The following ZC4H2 variants were observed in gnomAD, a reference collection of about 807,000 sequenced individuals.
ZC4H2 encodes zinc finger C4H2 domain-containing protein.
For synonymous variants in ZC4H2, 84 were observed against 66.3 expected, an observed-to-expected ratio of 1.27 and a Z score of -1.30; for missense variants, 137 against 173.9, an observed-to-expected ratio of 0.79 and a Z score of 1.19.
At chrX:64,921,229 G>A (rs965771603) in intron 2 of ZC4H2, among the ~76,000 whole-genome samples, 1 of 111,975 alleles carries the variant, frequency 8.9e-6, no homozygotes, top group Non-Finnish European at 1.9e-5. Flanking sequence ...GACCTTACTG[G>A]TCAGCACTGC....
intron 1 of ZC4H2, among the ~76,000 whole-genome samples, chrX:64,951,752 C>T (rs1260195371): frequency 2.7e-5 from 3 of 110,536 alleles, no homozygotes; most frequent in Admixed American, 9.5e-5. Context: ...TTGTAGGTTG[C>T]CTGCTCACTC....
intron 1 of ZC4H2, among the ~76,000 whole-genome samples, chrX:64,943,696 T>A (rs1453093598): frequency 9.0e-6 from 1 of 111,510 alleles, no homozygotes; most frequent in Non-Finnish European, 1.9e-5. Flanking sequence ...TATTCATCCA[T>A]CCCTTTATTT....
At chrX:64,928,796 T>C (rs1929591059) in intron 1 of ZC4H2, among the ~76,000 whole-genome samples, 1 of 98,650 alleles carries the variant, frequency 1.0e-5, no homozygotes, top group Admixed American at 1.1e-4. Context: ...TTCTTTTTCT[T>C]CTCCTTCTTC....
At chrX:64,983,474 T>C (rs985155581) in intron 1 of ZC4H2, among the ~76,000 whole-genome samples, 1 of 111,544 alleles carries the variant, frequency 9.0e-6, no homozygotes, top group Non-Finnish European at 1.9e-5. Flanking sequence ...GCTTATCTAC[T>C]TGGGAATGAA....
intron 1 of ZC4H2, 125 bp downstream of exon 1, chrX:64,976,200 G>T: frequency 1.3e-6 from 1 of 764,104 alleles, no homozygotes; most frequent in Non-Finnish European, 2.0e-6. Flanking sequence ...CACCTCTCCG[G>T]CAAGTCTGTG....
At chrX:64,932,741 A>G (rs943722161) in intron 1 of ZC4H2, among the ~76,000 whole-genome samples, 5 of 111,482 alleles carry the variant, frequency 4.5e-5, no homozygotes, top group Non-Finnish European at 9.4e-5. Context: ...TGTTAATCTG[A>G]TAGGTTTTGC....
chrX:64,964,233 A>C (rs1301126770), intron 1 of ZC4H2, among the ~76,000 whole-genome samples: 1 of 111,446 alleles, frequency 9.0e-6, no homozygotes, highest in African/African-American at 3.3e-5. Context: ...AAATCAAATT[A>C]AATTAAATTG....
chrX:64,953,916 G>C (rs935323726), intron 1 of ZC4H2, among the ~76,000 whole-genome samples: 2 of 111,083 alleles, frequency 1.8e-5, no homozygotes, highest in South Asian at 7.6e-4. Flanking sequence ...TTGGAACCAA[G>C]CCAAATGTCC....
At chrX:64,928,632 C>CTTCTT (rs1929543668) in intron 1 of ZC4H2, among the ~76,000 whole-genome samples, 12 of 83,340 alleles carry the variant, frequency 1.4e-4, no homozygotes, top group African/African-American at 4.9e-4. Flanking sequence ...CCTGCTTTCT[C>CTTCTT]CTTCTTCTTC....
intron 1 of ZC4H2, among the ~76,000 whole-genome samples, chrX:65,022,784 A>T (rs1932846980): frequency 8.9e-6 from 1 of 112,237 alleles, no homozygotes; most frequent in Admixed American, 9.4e-5. Flanking sequence ...CCACTGCTCA[A>T]GGAAATAAGA....
intron 1 of ZC4H2, among the ~76,000 whole-genome samples, chrX:65,002,624 A>G (rs1431207647): frequency 9.0e-6 from 1 of 111,340 alleles, no homozygotes; most frequent in Non-Finnish European, 1.9e-5. Context: ...GAAAAGGGGG[A>G]AATGTGGGGA....
At chrX:64,933,885 G>A (rs1256965972) in intron 1 of ZC4H2, among the ~76,000 whole-genome samples, 1 of 111,875 alleles carries the variant, frequency 8.9e-6, no homozygotes, top group Admixed American at 9.5e-5. Context: ...TGTAGCTAAG[G>A]CAGGTGAGAT....
intron 1 of ZC4H2, among the ~76,000 whole-genome samples, chrX:65,017,571 A>T (rs183848680): frequency 8.9e-6 from 1 of 111,741 alleles, no homozygotes; most frequent in East Asian, 2.8e-4. Context: ...TTTCTCCCCA[A>T]TTTATTATTT....
At chrX:64,970,060 T>C (rs982361409) in intron 1 of ZC4H2, among the ~76,000 whole-genome samples, 3 of 111,739 alleles carry the variant, frequency 2.7e-5, no homozygotes, top group Admixed American at 1.9e-4. Context: ...CACCAAAGGA[T>C]AGCCCAGCCC....
intron 1 of ZC4H2, among the ~76,000 whole-genome samples, chrX:65,001,529 C>T (rs924170024): frequency 6.3e-5 from 7 of 111,977 alleles, no homozygotes; most frequent in Non-Finnish European, 1.3e-4. Flanking sequence ...GAAGAAACTG[C>T]ATCAACTAAT....
intron 1 of ZC4H2, among the ~76,000 whole-genome samples, chrX:64,946,406 C>T (rs1407264861): frequency 9.0e-6 from 1 of 110,916 alleles, no homozygotes; most frequent in East Asian, 2.8e-4. Context: ...CCTGATTCTG[C>T]TCGCCCTCTG....
chrX:64,971,208 T>C (rs935000948), intron 1 of ZC4H2, among the ~76,000 whole-genome samples: 1 of 112,436 alleles, frequency 8.9e-6, no homozygotes, highest in African/African-American at 3.2e-5. Context: ...AATGAAAAGT[T>C]AGTGAAGATG....
intron 1 of ZC4H2, among the ~76,000 whole-genome samples, chrX:64,954,356 T>TTATATATATATATAATTATATATATA (rs1931051401): frequency 3.0e-5 from 2 of 67,427 alleles, no homozygotes; most frequent in African/African-American, 2.8e-4. Flanking sequence ...ATATATATAA[T>TTATATATATATATAATTATATATATA]TATATATATA....
intron 1 of ZC4H2, among the ~76,000 whole-genome samples, chrX:64,959,420 G>C (rs950898235): frequency 8.2e-5 from 8 of 98,154 alleles, no homozygotes; most frequent in Non-Finnish European, 1.6e-4. Flanking sequence ...TTGAATGTAA[G>C]GTACACATTA....
Sources: gnomAD v4.1 joint callset for allele counts (sites outside exome capture counted in the v4.1 genomes callset) on GRCh38, gnomAD v4.1.1 for gene constraint, MANE v1.5 for transcripts, NCBI Gene and HGNC (gene_info 2026-07-23, HGNC 2026-07-21) for gene names.